Variants in MAP3K19 observed in about 807,000 individuals in gnomAD.
MAP3K19 encodes the protein SPS1/STE20-related protein kinase YSK4.
MAP3K19 carries 91 observed loss-of-function variants against 114.4 expected under a neutral mutation model. The observed-to-expected ratio is 0.80, with a 90% confidence interval of 0.67 to 0.95. The LOEUF is 0.95. Among genes scored for constraint, MAP3K19 ranks in the 40% least tolerant of loss-of-function variants. The pLI, the probability that MAP3K19 is intolerant of heterozygous loss-of-function variation, is 0.00. For missense variants in MAP3K19, 1,471 were observed against 1,573.2 expected (o/e 0.94, Z 1.10); for synonymous variants, 518 against 530.5 (o/e 0.98, Z 0.32).
intron 2 of MAP3K19, among the ~76,000 whole-genome samples, chr2:135,035,779 T>C (rs1688512102): frequency 1.3e-5 from 2 of 152,232 alleles, no homozygotes; most frequent in South Asian, 2.1e-4. Context: ...TCTTGTGCCA[T>C]TCTTCACCCT....
chr2:135,016,121 G>A (rs1214235576), intron 5 of MAP3K19, among the ~76,000 whole-genome samples: 2 of 152,138 alleles, frequency 1.3e-5, no homozygotes, highest in Non-Finnish European at 2.9e-5. Flanking sequence ...TCCGGGAATG[G>A]TGGCATGTGC....
chr2:135,021,388 C>G (rs1687960332), intron 5 of MAP3K19, among the ~76,000 whole-genome samples: 1 of 151,896 alleles, frequency 6.6e-6, no homozygotes, highest in Non-Finnish European at 1.5e-5. Flanking sequence ...ACTTCCAGGA[C>G]TGTAAGAAAT....
intron 2 of MAP3K19, among the ~76,000 whole-genome samples, chr2:135,031,333 A>G (rs570212333): frequency 6.6e-6 from 1 of 152,306 alleles, no homozygotes; most frequent in African/African-American, 2.4e-5. Flanking sequence ...AGACTCAGCC[A>G]GGCAGACTGG....
At chr2:135,019,923 A>G (rs1687854789) in intron 5 of MAP3K19, among the ~76,000 whole-genome samples, 1 of 152,178 alleles carries the variant, frequency 6.6e-6, no homozygotes, top group Non-Finnish European at 1.5e-5. Flanking sequence ...AAAGTCATTC[A>G]TCATAGACAG....
intron 5 of MAP3K19, among the ~76,000 whole-genome samples, chr2:135,008,780 A>T (rs1337806984): frequency 1.3e-5 from 2 of 151,364 alleles, no homozygotes; most frequent in Non-Finnish European, 2.9e-5. Flanking sequence ...TGTTTATATG[A>T]TTATTGTTAT....
chr2:135,028,888 C>T (rs1166031783), intron 3 of MAP3K19, among the ~76,000 whole-genome samples: 2 of 151,516 alleles, frequency 1.3e-5, no homozygotes, highest in Non-Finnish European at 2.9e-5. Context: ...TTTTTTTAGT[C>T]GCTAAGAAGA....
In MAP3K19 at chr2:134,985,801, T is replaced by G. The variant is rs1685049033; in HGVS notation, c.3071A>C (p.Gln1024Pro). 1.9e-6 allele frequency: 3 copies of G among 1,596,714 alleles called. No individual in the cohort carries two copies. The highest frequency in any genetic ancestry group is 2.7e-5 in the African/African-American group (2 of 74,124). The change falls in exon 10 of 13, where the codon CAG becomes CCG. Residue 1024 changes from glutamine to proline, a missense_variant and splice_region_variant. Transcript: ENST00000392915. ...MGRETTKVKIQRHSSGLRIYD... is the reference protein window; with the variant it reads ...MGRETTKVKIPRHSSGLRIYD... Reference sequence around the variant, plus strand: ...ATCTTGGATTCTAATTATACCAACCTGTATTTTGACTTTTGTTGTCTCTCT... The same window carrying G: ...ATCTTGGATTCTAATTATACCAACCGGTATTTTGACTTTTGTTGTCTCTCT...
chr2:134,997,722 G>A (rs1297891865), intron 8 of MAP3K19, among the ~76,000 whole-genome samples: 1 of 151,580 alleles, frequency 6.6e-6, no homozygotes, highest in African/African-American at 2.4e-5. Flanking sequence ...GGGAGGCTGA[G>A]GCATGAGAAT....
chr2:135,044,335 A>G (rs1238183794), intron 1 of MAP3K19, among the ~76,000 whole-genome samples: 2 of 152,206 alleles, frequency 1.3e-5, no homozygotes, highest in Non-Finnish European at 2.9e-5. Context: ...TCATACTTGT[A>G]ATCCCAGCAC....
At chr2:134,977,356 ATT>A (rs774277347) in intron 12 of MAP3K19, among the ~76,000 whole-genome samples, 6 of 86,838 alleles carry the variant, frequency 6.9e-5, no homozygotes, top group Non-Finnish European at 1.0e-4. Flanking sequence ...TAATTTTTAA[ATT>A]TTTTTTTTTT....
chr2:134,997,447 T>G (rs6708112), intron 8 of MAP3K19, among the ~76,000 whole-genome samples: 42,598 of 151,062 alleles, frequency 0.28, 6,640 homozygotes, highest in Middle Eastern at 0.62. Context: ...GTGAATGTAC[T>G]TAAATGCCAC....
intron 12 of MAP3K19, among the ~76,000 whole-genome samples, chr2:134,967,857 C>CTT (rs573777137): frequency 2.8e-5 from 4 of 143,288 alleles, no homozygotes; most frequent in East Asian, 4.0e-4. Flanking sequence ...TTCTTTCTTT[C>CTT]TTTTTTTTTT....
In MAP3K19 at chr2:134,981,240, C is replaced by T. The variant is rs200267339; in HGVS notation, c.3501G>A (p.Thr1167=). 5.6e-6 allele frequency: 9 copies of T among 1,614,034 alleles called. No individual in the cohort carries two copies. The highest frequency in any genetic ancestry group is 1.6e-4 in the Middle Eastern group (1 of 6,084). The change falls in exon 12 of 13, where the codon ACG becomes ACA. Residue 1167 remains threonine (T), a synonymous_variant. Coordinates refer to ENST00000392915, the MANE Select transcript of MAP3K19 (RefSeq NM_025052.5). ...AAGCAACACCTTGAAGTATTTGTTT[C>T]GTATATTTACAGAACACCATCTCAG... ...PLPEMVFCKY[T]KQILQGVAYL...
chr2:135,002,452 AT>A (rs1686511056), intron 6 of MAP3K19, among the ~76,000 whole-genome samples: 1 of 151,732 alleles, frequency 6.6e-6, no homozygotes, highest in East Asian at 1.9e-4. Context: ...TATTTGTTAA[AT>A]TTCCGTGGGT....
chr2:135,038,301 A>AC (rs1230228220), intron 2 of MAP3K19, among the ~76,000 whole-genome samples: 3 of 151,898 alleles, frequency 2.0e-5, no homozygotes, highest in Non-Finnish European at 4.4e-5. Context: ...GTATGTATAT[A>AC]TTTATGTATG....
intron 12 of MAP3K19, among the ~76,000 whole-genome samples, chr2:134,968,196 C>G (rs540117246): frequency 5.0e-4 from 74 of 149,002 alleles, no homozygotes; most frequent in East Asian, 2.2e-3. Flanking sequence ...AGATCAACAG[C>G]ATCCCAAGGC....
chr2:135,028,339 T>G (rs1035789679), intron 3 of MAP3K19, among the ~76,000 whole-genome samples: 14 of 152,210 alleles, frequency 9.2e-5, no homozygotes, highest in African/African-American at 2.9e-4. Context: ...GTGGATTGCT[T>G]GAGCCCAGGA....
chr2:135,009,109 G>A (rs886180023), intron 5 of MAP3K19, among the ~76,000 whole-genome samples: 1 of 146,410 alleles, frequency 6.8e-6, no homozygotes, highest in African/African-American at 2.6e-5. Flanking sequence ...CCACCACCAT[G>A]CCTGGCTAAT....
chr2:134,968,286 G>A (rs1319362939), intron 12 of MAP3K19, among the ~76,000 whole-genome samples: 2 of 151,932 alleles, frequency 1.3e-5, no homozygotes, highest in Non-Finnish European at 2.9e-5. Flanking sequence ...GCAACCATCC[G>A]ATTTCTCAGT....
Sources: gnomAD v4.1 joint callset for allele counts (sites outside exome capture counted in the v4.1 genomes callset) on GRCh38, gnomAD v4.1.1 for gene constraint, MANE v1.5 for transcripts, NCBI Gene and HGNC (gene_info 2026-07-23, HGNC 2026-07-21) for gene names.